Variants in LRRC7 observed in about 807,000 individuals in gnomAD.
The protein encoded by LRRC7 is leucine rich repeat containing 7.
In LRRC7, 23 loss-of-function variants were observed where a neutral mutation model predicts 175.7. That is an observed-to-expected ratio of 0.13 (90% confidence interval 0.09 to 0.19). The LOEUF (loss-of-function observed/expected upper bound fraction) is 0.19, where lower values mean the gene tolerates loss of function less well. Ranked by LOEUF, LRRC7 falls within the 10% of genes least tolerant of loss-of-function variation. The pLI, the probability that LRRC7 is intolerant of heterozygous loss-of-function variation, is 1.00. For missense variants in LRRC7, 1,354 were observed against 1,904.7 expected, an observed-to-expected ratio of 0.71 and a Z score of 5.38; for synonymous variants, 685 against 680.9, an observed-to-expected ratio of 1.01 and a Z score of -0.09.
At chr1:69,822,349 A>G (rs1461903921) in intron 4 of LRRC7, among the ~76,000 whole-genome samples, 1 of 152,196 alleles carries the variant, frequency 6.6e-6, no homozygotes, top group Non-Finnish European at 1.5e-5. Flanking sequence ...AGCTACAGTT[A>G]TAGAAGGGAG....
At chr1:69,872,712 A>T (rs1267487675) in intron 7 of LRRC7, among the ~76,000 whole-genome samples, 1 of 152,132 alleles carries the variant, frequency 6.6e-6, no homozygotes, top group Non-Finnish European at 1.5e-5. Context: ...AAAAGTTGCT[A>T]TTTAAATATT....
chr1:70,064,900 C>A (rs2102095560), intron 23 of LRRC7, among the ~76,000 whole-genome samples: 1 of 152,046 alleles, frequency 6.6e-6, no homozygotes, highest in African/African-American at 2.4e-5. Flanking sequence ...ACAACTTAAA[C>A]TTTAAAAGTT....
At chr1:69,985,430 G>A (rs1310172592) in intron 9 of LRRC7, among the ~76,000 whole-genome samples, 1 of 152,144 alleles carries the variant, frequency 6.6e-6, no homozygotes, top group East Asian at 1.9e-4. Flanking sequence ...AGCTTCTTTA[G>A]TTGGGAGTTA....
intron 8 of LRRC7, among the ~76,000 whole-genome samples, chr1:69,968,135 A>G (rs1038883355): frequency 6.6e-6 from 1 of 152,112 alleles, no homozygotes; most frequent in Non-Finnish European, 1.5e-5. Context: ...GAAACAATGG[A>G]TGCACTTATA....
rs184196767 is a variant in LRRC7 at position 69,999,131 on chromosome 1, C to T, written c.1004+4498C>T. The stretch of plus-strand genomic sequence containing the variant: ...TGTTACCACCAGAATTTAGTCATGT[C>T]CTTTGAAATCTTCCTGGTAGTTGAA... On this transcript the variant is annotated intron_variant, in intron 11 of 26. Transcript: ENST00000651989. Among the ~76,000 whole-genome samples, 40 of 152,298 alleles carry T rather than the reference C, an allele frequency of 2.6e-4. No individual in the cohort carries two copies. In the East Asian group the frequency reaches 7.3e-3, roughly 28 times the overall value.
At position 69,760,179 on chromosome 1, in the gene LRRC7, G is replaced by T; in HGVS notation, c.101-12G>T. 6.2e-7 allele frequency: 1 copy of T among 1,610,734 alleles called. No homozygotes were observed. Among genetic ancestry groups the T allele is most frequent in the Non-Finnish European group, 8.5e-7 (1 of 1,177,752 alleles). ...AGCTGTTTTGTTTTGTTTTGTTTCT[G>T]CGTTTCTCTAGTGCAGTGCCTGGAG... On this transcript the variant is annotated splice_polypyrimidine_tract_variant and intron_variant, in intron 2 of 26. Transcript: ENST00000651989.
At chr1:69,630,647 A>G (rs957486096) in intron 1 of LRRC7, among the ~76,000 whole-genome samples, 5 of 152,076 alleles carry the variant, frequency 3.3e-5, no homozygotes, top group Admixed American at 1.3e-4. Flanking sequence ...AATATTGGGC[A>G]CCTTTCCAAA....
At chr1:69,733,662 A>G (rs941780874) in intron 2 of LRRC7, among the ~76,000 whole-genome samples, 2 of 151,994 alleles carry the variant, frequency 1.3e-5, no homozygotes, top group Admixed American at 1.3e-4. Context: ...CATGCCCAAC[A>G]TTGCTCTTCT....
chr1:69,880,052 A>G (rs746147640), intron 7 of LRRC7, among the ~76,000 whole-genome samples: 5 of 152,168 alleles, frequency 3.3e-5, no homozygotes, highest in Non-Finnish European at 7.3e-5. Flanking sequence ...TAATTACAGG[A>G]AGTTGGTATT....
intron 1 of LRRC7, among the ~76,000 whole-genome samples, chr1:69,677,430 A>G (rs1005914599): frequency 3.3e-5 from 5 of 151,586 alleles, no homozygotes; most frequent in African/African-American, 1.2e-4. Context: ...CCTTTGGGTA[A>G]TCAGTAGTGG....
At chr1:69,722,937 T>G (rs1197261507) in intron 2 of LRRC7, among the ~76,000 whole-genome samples, 2 of 152,112 alleles carry the variant, frequency 1.3e-5, no homozygotes, top group Non-Finnish European at 2.9e-5. Flanking sequence ...TTCAAATGCA[T>G]TGCAAATATT....
In LRRC7 at chr1:70,123,535, T is replaced by G. The variant is rs572388128; in HGVS notation, c.*1648T>G. On this transcript the variant is annotated 3_prime_UTR_variant, in exon 27 of 27. Coordinates refer to ENST00000651989, the MANE Select transcript of LRRC7 (RefSeq NM_001370785.2). ...ATAGAATTTGTCACTTGGGAGAAAA[T>G]AATACTTCACTTTATAGATGATGCA... 6.6e-6 allele frequency: 1 copy of G among 152,316 alleles called. No individual in the cohort carries two copies. The highest frequency in any genetic ancestry group is 2.4e-5 in the African/African-American group (1 of 41,584). 9.4% of individuals were successfully genotyped at this position (152,316 alleles called of 1,614,324 possible).
intron 1 of LRRC7, among the ~76,000 whole-genome samples, chr1:69,602,672 A>G (rs1647126326): frequency 6.6e-6 from 1 of 152,164 alleles, no homozygotes; most frequent in Non-Finnish European, 1.5e-5. Flanking sequence ...TTATGATGTT[A>G]GCAGGTTGAA....
intron 7 of LRRC7, among the ~76,000 whole-genome samples, chr1:69,845,850 T>A (rs1682299336): frequency 6.6e-6 from 1 of 152,184 alleles, no homozygotes. Context: ...CATAATTGGA[T>A]ACTGTGTGAT....
intron 8 of LRRC7, among the ~76,000 whole-genome samples, chr1:69,960,891 AGCTG>A (rs1651005473): frequency 4.6e-5 from 7 of 152,204 alleles, no homozygotes; most frequent in African/African-American, 1.7e-4. Context: ...AAGGGGCAAA[AGCTG>A]GAAGCATTCC....
intron 7 of LRRC7, among the ~76,000 whole-genome samples, chr1:69,927,130 T>A (rs1217087964): frequency 6.6e-6 from 1 of 152,246 alleles, no homozygotes; most frequent in Non-Finnish European, 1.5e-5. Flanking sequence ...ATGTTGAATA[T>A]TGGCCCCCAA....
intron 23 of LRRC7, among the ~76,000 whole-genome samples, chr1:70,067,841 A>T (rs926600726): frequency 1.3e-5 from 2 of 152,088 alleles, no homozygotes; most frequent in Non-Finnish European, 2.9e-5. Context: ...AGCTTTGCTT[A>T]ATTTGTACCT....
chr1:70,030,408 T>C (rs1266892843), intron 18 of LRRC7, among the ~76,000 whole-genome samples: 2 of 152,190 alleles, frequency 1.3e-5, no homozygotes, highest in African/African-American at 4.8e-5. Context: ...AGATTCTAGA[T>C]CTTCTCTCTC....
At chr1:69,837,858 G>A in intron 6 of LRRC7, among the ~76,000 whole-genome samples, 1 of 122,936 alleles carries the variant, frequency 8.1e-6, no homozygotes, top group East Asian at 2.8e-4. Context: ...TATAACAATA[G>A]TAAAAAAAAA....
Sources: gnomAD v4.1 joint callset for allele counts (sites outside exome capture counted in the v4.1 genomes callset) on GRCh38, gnomAD v4.1.1 for gene constraint, MANE v1.5 for transcripts, NCBI Gene and HGNC (gene_info 2026-07-23, HGNC 2026-07-21) for gene names.